GPRIN3: variants seen among roughly 807,000 people sequenced by gnomAD.
GPRIN3 encodes GPRIN family member 3, also known as G protein-regulated inducer of neurite outgrowth 3.
A neutral mutation model predicts 13.7 loss-of-function variants in GPRIN3; 12 were observed. The ratio of observed to expected loss-of-function variants is 0.87; its 90% confidence interval spans 0.56 to 1.42. GPRIN3 has a LOEUF of 1.42. GPRIN3 is among the 40% of genes most tolerant of loss of function. GPRIN3 has a pLI of 0.00. For missense variants in GPRIN3, 1,009 were observed against 958.7 expected, an observed-to-expected ratio of 1.05 and a Z score of -0.69; for synonymous variants, 377 against 372.7, an observed-to-expected ratio of 1.01 and a Z score of -0.13.
At chr4:89,253,799 T>G (rs1723393852) in intron 1 of GPRIN3, among the ~76,000 whole-genome samples, 1 of 152,180 alleles carries the variant, frequency 6.6e-6, no homozygotes, top group Non-Finnish European at 1.5e-5. Context: ...TATTTATGCA[T>G]AGATAACAAA....
Position 89,249,753 on chromosome 4 carries a change from C to T in GPRIN3, c.358G>A (p.Asp120Asn), listed in dbSNP as rs868412039. The T allele has an allele frequency of 6.2e-7, 1 of 1,614,154 alleles. No individual in the cohort carries two copies. The highest frequency in any genetic ancestry group is 1.6e-4 in the Middle Eastern group (1 of 6,062). ...ATTGTCAATGGTGTGTGTATAAGAT[C>T]CCTTCCTGCTGCAGAACTCGGGGCT... ...ASAPSSAAGR[D>N]LIHTPLTMPA... The change falls in exon 2 of 2, where the codon GAT (aspartate) becomes AAT (asparagine). Residue 120 changes from aspartate (D) to asparagine (N), a missense_variant. Transcript: ENST00000609438.
chr4:89,306,144 G>A (rs1725027827), intron 1 of GPRIN3, among the ~76,000 whole-genome samples: 1 of 151,662 alleles, frequency 6.6e-6, no homozygotes, highest in South Asian at 2.1e-4. Context: ...ACAAAAACTC[G>A]AAAAAGAACA....
chr4:89,293,897 A>T (rs1264912281), intron 1 of GPRIN3, among the ~76,000 whole-genome samples: 1 of 152,232 alleles, frequency 6.6e-6, no homozygotes, highest in Non-Finnish European at 1.5e-5. Context: ...TTCTATTCAG[A>T]ATATGTACTT....
chr4:89,272,298 T>C (rs1723980270), intron 1 of GPRIN3, among the ~76,000 whole-genome samples: 1 of 152,052 alleles, frequency 6.6e-6, no homozygotes, highest in South Asian at 2.1e-4. Flanking sequence ...GAGTGGAAAG[T>C]GGAAGGCAAC....
At chr4:89,267,800 A>G (rs1034751401) in intron 1 of GPRIN3, among the ~76,000 whole-genome samples, 15 of 152,238 alleles carry the variant, frequency 9.9e-5, no homozygotes, top group Non-Finnish European at 1.9e-4. Context: ...GAGGGAGGAC[A>G]TTAGAGAAAC....
intron 1 of GPRIN3, among the ~76,000 whole-genome samples, chr4:89,283,815 G>A (rs1338594212): frequency 6.6e-6 from 1 of 152,108 alleles, no homozygotes; most frequent in African/African-American, 2.4e-5. Context: ...TTGAGGGTGG[G>A]GTGGGGCTGG....
At chr4:89,267,475 T>C (rs991078144) in intron 1 of GPRIN3, among the ~76,000 whole-genome samples, 9 of 152,250 alleles carry the variant, frequency 5.9e-5, no homozygotes, top group Non-Finnish European at 1.2e-4. Context: ...TATTATATGT[T>C]GCTGCTTGAT....
At chr4:89,284,144 A>C (rs571208494) in intron 1 of GPRIN3, among the ~76,000 whole-genome samples, 71 of 152,242 alleles carry the variant, frequency 4.7e-4, no homozygotes, top group Non-Finnish European at 4.4e-4. Context: ...GGGCCTCAGC[A>C]GGATTCTGGA....
chr4:89,248,218 G>A lies in GPRIN3; in HGVS notation c.1893C>T (p.Ser631=). ...KKTPSRSVKA[S]PRRPSRVSEF... is the part of the protein sequence containing the mutation. ...CGCTGACGCGGCTGGGCCTGCGTGGGCTGGCTTTGACGGAGCGAGATGGGG... is the reference window on the plus strand; with the variant it reads ...CGCTGACGCGGCTGGGCCTGCGTGGACTGGCTTTGACGGAGCGAGATGGGG... Residue 631 remains serine, a synonymous_variant, in exon 2 of 2, where the codon AGC becomes AGT. Transcript: ENST00000609438. 1.9e-6 allele frequency: 3 copies of A among 1,614,182 alleles called. No homozygotes were observed. Among genetic ancestry groups the A allele is most frequent in the South Asian group, 2.2e-5 (2 of 91,078 alleles).
At chr4:89,253,275 T>C (rs1294314844) in intron 1 of GPRIN3, among the ~76,000 whole-genome samples, 1 of 152,216 alleles carries the variant, frequency 6.6e-6, no homozygotes, top group Non-Finnish European at 1.5e-5. Context: ...ATTACAGCTC[T>C]GCCAAATGTC....
At chr4:89,289,984 C>G (rs1724528195) in intron 1 of GPRIN3, among the ~76,000 whole-genome samples, 1 of 151,788 alleles carries the variant, frequency 6.6e-6, no homozygotes, top group Non-Finnish European at 1.5e-5. Context: ...TACAGCCAAG[C>G]TGAACTATTC....
chr4:89,247,338 A>G lies in GPRIN3; in HGVS notation c.*442T>C, dbSNP rs1382445725. 1 of 154,354 alleles carries G rather than the reference A, an allele frequency of 6.5e-6. No individual in the cohort carries two copies. The highest frequency in any genetic ancestry group is 2.4e-5 in the African/African-American group (1 of 41,498). The allele number at this position is 154,354 out of a possible 1,614,324, so 9.6% of individuals were successfully genotyped here. A position where few individuals can be genotyped will look rare whatever the true frequency, so the allele number is the denominator to read the frequency against. On this transcript the variant is annotated 3_prime_UTR_variant, in exon 2 of 2. Transcript: ENST00000609438. ...GTGGTTACAGCATTCTTACTGCAAT[A>G]AGACTAGAAATTATAACAATGTTTT...
rs1368475903 is a variant in GPRIN3, at chr4:89,241,152, C to A, written c.*6628G>T. 2 of 151,928 alleles carry A rather than the reference C, an allele frequency of 1.3e-5. No homozygotes were observed. The highest frequency in any genetic ancestry group is 2.9e-5 in the Non-Finnish European group (2 of 67,976). The allele number at this position is 151,928 out of a possible 1,614,324, so 9.4% of individuals were successfully genotyped here. A position where few individuals can be genotyped will look rare whatever the true frequency, so the allele number is the denominator to read the frequency against. ...GCATATTTAATAATATGCCAATGTACTGATTACTATATTCAGCCTTTGTGA... is the reference window on the plus strand; with the variant it reads ...GCATATTTAATAATATGCCAATGTAATGATTACTATATTCAGCCTTTGTGA... On this transcript the variant is annotated 3_prime_UTR_variant, in exon 2 of 2. Coordinates refer to ENST00000609438, the MANE Select transcript of GPRIN3 (RefSeq NM_198281.3).
intron 1 of GPRIN3, among the ~76,000 whole-genome samples, chr4:89,274,944 G>A (rs1270782981): frequency 6.6e-6 from 1 of 152,156 alleles, no homozygotes; most frequent in East Asian, 1.9e-4. Flanking sequence ...GGTAGCTGCT[G>A]TCCTACTCCG....
rs991321614 is a variant in GPRIN3, at chr4:89,238,081, C to T, written c.*9699G>A. On this transcript the variant is annotated 3_prime_UTR_variant, in exon 2 of 2. Coordinates refer to ENST00000609438, the MANE Select transcript of GPRIN3 (RefSeq NM_198281.3). ...TGCAAGAGTTAGAGAATGGCAGCCA[C>T]AGGGCACCATTTTAGGTTAAAATAG... The T allele has an allele frequency of 2.6e-5, 4 of 151,682 alleles. No homozygotes were observed. The highest frequency in any genetic ancestry group is 5.9e-5 in the Non-Finnish European group (4 of 68,002). The allele number at this position is 151,682 out of a possible 1,614,324, so 9.4% of individuals were successfully genotyped here.
chr4:89,255,891 G>C (rs1352283707), intron 1 of GPRIN3, among the ~76,000 whole-genome samples: 2 of 152,184 alleles, frequency 1.3e-5, no homozygotes, highest in Admixed American at 6.5e-5. Context: ...AGAAGCTAAT[G>C]GTACCTCTGA....
rs9790754 is a variant in GPRIN3, at chr4:89,246,446, T to G, written c.*1334A>C. 62,846 of 151,906 alleles carry G rather than the reference T, an allele frequency of 0.41. 13,335 individuals are homozygous for G. Among genetic ancestry groups the G allele is most frequent in the South Asian group, 0.56 (2,696 of 4,810 alleles). 9.4% of individuals were successfully genotyped at this position (151,906 alleles called of 1,614,324 possible). On this transcript the variant is annotated 3_prime_UTR_variant, in exon 2 of 2. Coordinates refer to ENST00000609438, the MANE Select transcript of GPRIN3 (RefSeq NM_198281.3). The stretch of plus-strand genomic sequence containing the variant: ...TCCAGGCCAGTGCCTTGGAGGATAC[T>G]CATGTGTCTCGGGACACACGTCTCT...
chr4:89,294,131 A>C (rs1724667137), intron 1 of GPRIN3, among the ~76,000 whole-genome samples: 1 of 152,244 alleles, frequency 6.6e-6, no homozygotes, highest in South Asian at 2.1e-4. Context: ...CTAACAATTA[A>C]TTTGAACTTC....
intron 1 of GPRIN3, among the ~76,000 whole-genome samples, chr4:89,303,749 A>G (rs967740126): frequency 6.7e-6 from 1 of 149,794 alleles, no homozygotes; most frequent in Non-Finnish European, 1.5e-5. Context: ...ATACATGTAT[A>G]CCATTATATA....
Sources: allele counts gnomAD v4.1 joint callset (sites outside exome capture counted in the v4.1 genomes callset), GRCh38; gene constraint gnomAD v4.1.1; transcripts MANE v1.5; gene names NCBI Gene and HGNC (gene_info 2026-07-23, HGNC 2026-07-21).